RIPOR2: variants seen among roughly 807,000 people sequenced by gnomAD.
RIPOR2 encodes the protein RHO family interacting cell polarization regulator 2.
Under a neutral mutation model 114.5 loss-of-function variants are expected in RIPOR2, and 39 were observed. The ratio of observed to expected loss-of-function variants is 0.34; its 90% confidence interval spans 0.26 to 0.44. The LOEUF (loss-of-function observed/expected upper bound fraction) is 0.44. RIPOR2 is among the 20% of genes least tolerant of loss of function. The pLI is 1.00. For missense variants in RIPOR2, 1,007 were observed against 1,255.1 expected, an observed-to-expected ratio of 0.80 and a Z score of 2.99; for synonymous variants, 445 against 484.4, an observed-to-expected ratio of 0.92 and a Z score of 1.07.
At chr6:24,886,619 T>C (rs949461514) in intron 1 of RIPOR2, among the ~76,000 whole-genome samples, 2 of 152,344 alleles carry the variant, frequency 1.3e-5, no homozygotes, top group Middle Eastern at 3.4e-3. Context: ...TTTCTTGTGA[T>C]AAAGAGTCAG....
intron 1 of RIPOR2, chr6:24,976,498 T>G: frequency 6.3e-7 from 1 of 1,578,346 alleles, no homozygotes; most frequent in Non-Finnish European, 8.7e-7. Flanking sequence ...GTAAGGGGCC[T>G]GGAAACCAAG....
intron 1 of RIPOR2, among the ~76,000 whole-genome samples, chr6:24,951,099 A>T (rs1772727754): frequency 6.6e-6 from 1 of 152,198 alleles, no homozygotes; most frequent in Non-Finnish European, 1.5e-5. Flanking sequence ...GCGATCAGAG[A>T]CTTTAGAAGT....
intron 1 of RIPOR2, among the ~76,000 whole-genome samples, chr6:24,905,472 T>C (rs187825704): frequency 6.6e-6 from 1 of 152,264 alleles, no homozygotes; most frequent in Admixed American, 6.5e-5. Context: ...AAACTAAAAA[T>C]ACGGCACTGC....
intron 1 of RIPOR2, among the ~76,000 whole-genome samples, chr6:25,025,621 A>G (rs979767911): frequency 1.3e-5 from 2 of 152,250 alleles, no homozygotes; most frequent in African/African-American, 4.8e-5. Context: ...TTTTTAGAAT[A>G]TAACTGATTA....
chr6:24,840,240 G>A, intron 13 of RIPOR2: 1 of 1,013,186 alleles, frequency 9.9e-7, no homozygotes, highest in South Asian at 4.0e-5. Flanking sequence ...CACCGCACCT[G>A]CTCACAGCAT....
At chr6:25,014,436 T>A (rs1356742385) in intron 1 of RIPOR2, among the ~76,000 whole-genome samples, 1 of 152,224 alleles carries the variant, frequency 6.6e-6, no homozygotes, top group Non-Finnish European at 1.5e-5. Flanking sequence ...TTTGACTTCA[T>A]GAGCTACCTT....
chr6:24,934,734 A>G (rs1771642188), intron 1 of RIPOR2, among the ~76,000 whole-genome samples: 1 of 152,200 alleles, frequency 6.6e-6, no homozygotes, highest in Non-Finnish European at 1.5e-5. Flanking sequence ...GTGGCTCCAA[A>G]TTCTAAAAAA....
intron 1 of RIPOR2, chr6:25,041,749 G>T (rs1334323526): frequency 6.4e-6 from 4 of 628,586 alleles, no homozygotes; most frequent in Non-Finnish European, 1.1e-5. Context: ...GGAGGAAGGG[G>T]GAAAGATTGG....
intron 12 of RIPOR2, among the ~76,000 whole-genome samples, chr6:24,845,688 T>C (rs1762194582): frequency 6.6e-6 from 1 of 152,158 alleles, no homozygotes; most frequent in Non-Finnish European, 1.5e-5. Context: ...GGGACAAGTC[T>C]AACAACAAGC....
intron 19 of RIPOR2, among the ~76,000 whole-genome samples, chr6:24,824,998 A>G (rs1392454173): frequency 6.6e-6 from 1 of 152,246 alleles, no homozygotes; most frequent in Non-Finnish European, 1.5e-5. Flanking sequence ...TAGCATATAT[A>G]TAGATACAAT....
Position 24,818,571 on chromosome 6 carries a change from C to A in RIPOR2, c.2923G>T (p.Ala975Ser). 6.5e-7 allele frequency: 1 copy of A among 1,549,928 alleles called. No homozygotes were observed. Among genetic ancestry groups the A allele is most frequent in the Non-Finnish European group, 8.7e-7 (1 of 1,145,804 alleles). ...AGGATTTTCAGAGCCAGGCAAGCTG[C>A]TTTCTGGAGCTGGAGGTTTGTCTTT... ...LTKTNLQLQKAACLALKILEA... is the reference protein window; with the variant it reads ...LTKTNLQLQKSACLALKILEA... Residue 975 changes from alanine to serine, a missense_variant, in exon 20 of 22, where the codon GCA (alanine) becomes TCA (serine). Physicochemically the swap from Ala to Ser is moderately conservative, Grantham distance 99 (BLOSUM62 1). Coordinates refer to ENST00000643898, the MANE Select transcript of RIPOR2 (RefSeq NM_001286445.3).
At chr6:24,994,591 AG>A (rs1378689361) in intron 1 of RIPOR2, among the ~76,000 whole-genome samples, 2 of 152,214 alleles carry the variant, frequency 1.3e-5, no homozygotes, top group African/African-American at 2.4e-5. Flanking sequence ...GCAAAGAAGA[AG>A]GGACTTGAAG....
At chr6:24,860,337 G>C (rs1763951286) in intron 8 of RIPOR2, among the ~76,000 whole-genome samples, 1 of 152,142 alleles carries the variant, frequency 6.6e-6, no homozygotes, top group Non-Finnish European at 1.5e-5. Flanking sequence ...AAAAGGTAGG[G>C]AGAGGTTTGT....
chr6:24,959,809 C>T (rs77318075), intron 1 of RIPOR2, among the ~76,000 whole-genome samples: 2 of 152,244 alleles, frequency 1.3e-5, no homozygotes, highest in African/African-American at 4.8e-5. Flanking sequence ...CAAAACTCCA[C>T]GGGGAAGGTC....
chr6:25,021,219 G>A (rs1318342202), intron 1 of RIPOR2, among the ~76,000 whole-genome samples: 3 of 152,126 alleles, frequency 2.0e-5, no homozygotes, highest in Non-Finnish European at 4.4e-5. Flanking sequence ...ATTTATTGAT[G>A]ATAGAACTGA....
At chr6:24,884,343 G>A (rs1015166638) in intron 1 of RIPOR2, among the ~76,000 whole-genome samples, 10 of 152,060 alleles carry the variant, frequency 6.6e-5, no homozygotes, top group Non-Finnish European at 1.3e-4. Flanking sequence ...CGGGAGGTGG[G>A]GGTTGCAGTG....
At chr6:25,039,199 A>C (rs965475559) in intron 1 of RIPOR2, among the ~76,000 whole-genome samples, 5 of 152,242 alleles carry the variant, frequency 3.3e-5, no homozygotes, top group Non-Finnish European at 7.3e-5. Flanking sequence ...TAGCAGCTGC[A>C]AAATATTGTT....
chr6:24,840,870 C>A, intron 13 of RIPOR2: 1 of 1,157,186 alleles, frequency 8.6e-7, no homozygotes, highest in Non-Finnish European at 1.2e-6. Context: ...GACCTAAACA[C>A]ACTCACTAGT....
intron 1 of RIPOR2, among the ~76,000 whole-genome samples, chr6:24,950,479 A>T (rs754855937): frequency 1.3e-5 from 2 of 152,164 alleles, no homozygotes; most frequent in Non-Finnish European, 2.9e-5. Flanking sequence ...ATAAAGGCAC[A>T]TTTTCCCTAA....
Sources: gnomAD v4.1 joint callset for allele counts (sites outside exome capture counted in the v4.1 genomes callset) on GRCh38, gnomAD v4.1.1 for gene constraint, MANE v1.5 for transcripts, NCBI Gene and HGNC (gene_info 2026-07-23, HGNC 2026-07-21) for gene names.